SFMBT1: variants seen among roughly 807,000 people sequenced by gnomAD.
SFMBT1 encodes the protein scm-like with four MBT domains protein 1.
In SFMBT1, 32 loss-of-function variants were observed where a neutral mutation model predicts 108.7. That is an observed-to-expected ratio of 0.29 (90% CI 0.22 to 0.40). The LOEUF is 0.40. Ranked by LOEUF, SFMBT1 falls within the 10% of genes least tolerant of loss-of-function variation. The pLI is 1.00. For missense variants in SFMBT1, 816 were observed against 1,059.6 expected (o/e 0.77, Z 3.19); for synonymous variants, 348 against 369.5 (o/e 0.94, Z 0.67).
intron 1 of SFMBT1, among the ~76,000 whole-genome samples, chr3:52,981,529 A>ATTTTTTTTTTTT (rs34406724): frequency 7.5e-6 from 1 of 133,052 alleles, no homozygotes; most frequent in Admixed American, 7.7e-5. Flanking sequence ...TGCTCAGCTA[A>ATTTTTTTTTTTT]TTTTTTTTTT....
At chr3:53,020,976 T>A (rs1699286304) in intron 1 of SFMBT1, among the ~76,000 whole-genome samples, 1 of 152,110 alleles carries the variant, frequency 6.6e-6, no homozygotes, top group Non-Finnish European at 1.5e-5. Context: ...GAGAATTGCT[T>A]GAACCCAGGA....
intron 1 of SFMBT1, chr3:53,018,375 C>T (rs538242705): frequency 6.6e-6 from 1 of 152,172 alleles, no homozygotes; most frequent in East Asian, 1.9e-4. Flanking sequence ...TGTTTTCATC[C>T]TTCAGAGAAA....
At chr3:53,019,372 G>GGT (rs1281109898) in intron 1 of SFMBT1, among the ~76,000 whole-genome samples, 5 of 125,972 alleles carry the variant, frequency 4.0e-5, no homozygotes, top group African/African-American at 8.7e-5. Context: ...CTCAGTCACT[G>GGT]GTGTGTGTGT....
intron 1 of SFMBT1, among the ~76,000 whole-genome samples, chr3:52,984,768 G>T (rs1230172409): frequency 7.3e-6 from 1 of 137,318 alleles, no homozygotes; most frequent in Non-Finnish European, 1.6e-5. Context: ...GTGTGTGTGT[G>T]TCTATTCATA....
At chr3:52,931,701 G>A (rs943798364) in intron 6 of SFMBT1, among the ~76,000 whole-genome samples, 3 of 152,036 alleles carry the variant, frequency 2.0e-5, no homozygotes, top group African/African-American at 4.8e-5. Flanking sequence ...TTAGCCGGGT[G>A]TGGTGGCATG....
At chr3:52,948,690 C>T (rs1344324413) in intron 3 of SFMBT1, among the ~76,000 whole-genome samples, 6 of 150,674 alleles carry the variant, frequency 4.0e-5, no homozygotes, top group Non-Finnish European at 7.4e-5. Context: ...CTCATTCTGC[C>T]GCCCAGGCTG....
At chr3:53,014,419 G>T (rs555421056) in intron 1 of SFMBT1, among the ~76,000 whole-genome samples, 2 of 151,936 alleles carry the variant, frequency 1.3e-5, no homozygotes, top group African/African-American at 4.8e-5. Context: ...ACAGTGAGCC[G>T]TGATCACACC....
chr3:52,912,142 G>A (rs1353564654), intron 16 of SFMBT1, among the ~76,000 whole-genome samples: 1 of 151,990 alleles, frequency 6.6e-6, no homozygotes, highest in Admixed American at 6.6e-5. Context: ...GAAACATAAG[G>A]CTTCTGATAT....
chr3:52,926,115 T>C lies in SFMBT1; in HGVS notation c.1049-2A>G. ...AGTCAAAGTCCTGGCTTGGGTAGCC[T>C]AGGTGGGGACAAATGAACAATGAGT... On this transcript the variant is annotated splice_acceptor_variant, in intron 9 of 20. Transcript: ENST00000394752. LOFTEE classifies it high-confidence loss of function. 1 of 1,605,982 alleles carries C rather than the reference T, an allele frequency of 6.2e-7. No homozygotes were observed. The highest frequency in any genetic ancestry group is 8.5e-7 in the Non-Finnish European group (1 of 1,176,570).
intron 1 of SFMBT1, among the ~76,000 whole-genome samples, chr3:53,026,039 A>C (rs1272552909): frequency 6.6e-6 from 1 of 152,228 alleles, no homozygotes; most frequent in Non-Finnish European, 1.5e-5. Flanking sequence ...TTGCTTCAGA[A>C]AAAGTTCTAC....
At chr3:52,916,265 A>C in intron 13 of SFMBT1, 51 bp from the exon 14 acceptor site, 1 of 1,528,426 alleles carries the variant, frequency 6.5e-7, no homozygotes, top group Non-Finnish European at 9.1e-7. Context: ...AAGATCAGTA[A>C]AGTGTGAGGC....
At chr3:52,941,911 T>C (rs897500118) in intron 4 of SFMBT1, among the ~76,000 whole-genome samples, 1 of 151,758 alleles carries the variant, frequency 6.6e-6, no homozygotes, top group Non-Finnish European at 1.5e-5. Flanking sequence ...AAAAATAAAA[T>C]AGAACGAAAT....
At chr3:53,006,729 G>A (rs888670080) in intron 1 of SFMBT1, among the ~76,000 whole-genome samples, 1 of 152,074 alleles carries the variant, frequency 6.6e-6, no homozygotes, top group Non-Finnish European at 1.5e-5. Flanking sequence ...TGGATATGGA[G>A]GGGTCCTGGA....
At chr3:52,987,632 G>A (rs557931290) in intron 1 of SFMBT1, among the ~76,000 whole-genome samples, 1 of 152,330 alleles carries the variant, frequency 6.6e-6, no homozygotes, top group Non-Finnish European at 1.5e-5. Context: ...GGAGCTCAGA[G>A]AATACAAGGA....
At chr3:52,939,446 T>C (rs1056576532) in intron 4 of SFMBT1, among the ~76,000 whole-genome samples, 2 of 152,124 alleles carry the variant, frequency 1.3e-5, no homozygotes, top group African/African-American at 2.4e-5. Flanking sequence ...TGGTGGCATG[T>C]ACCTGTAGTC....
intron 1 of SFMBT1, among the ~76,000 whole-genome samples, chr3:52,996,205 C>T (rs537951521): frequency 7.6e-6 from 1 of 132,274 alleles, no homozygotes; most frequent in African/African-American, 2.9e-5. Context: ...AATAAACAAT[C>T]CTTTTTTTTT....
In SFMBT1 at chr3:53,032,970, T is replaced by C. The variant is rs116010076; in HGVS notation, c.-131+12846A>G. ...ATTCCCCCCACACCTAAGCCTCTGATAGAATACAAGAAAATTTGGGGCCTA... is the reference window on the plus strand; with the variant it reads ...ATTCCCCCCACACCTAAGCCTCTGACAGAATACAAGAAAATTTGGGGCCTA... On this transcript the variant is annotated intron_variant, in intron 1 of 20. Coordinates refer to ENST00000394752, the MANE Select transcript of SFMBT1 (RefSeq NM_016329.4). 2.2e-3 allele frequency among the ~76,000 whole-genome samples: 330 copies of C among 152,184 alleles called. 1 individual carries two copies. Among genetic ancestry groups the C allele is most frequent in the Non-Finnish European group, 3.9e-3 (262 of 67,988 alleles).
intron 1 of SFMBT1, among the ~76,000 whole-genome samples, chr3:52,981,164 GA>G (rs35322172): frequency 0.28 from 29,769 of 107,298 alleles, 3,591 homozygotes; most frequent in East Asian, 0.39. Context: ...TTCCATCTCA[GA>G]AAAAAAAAAA....
chr3:52,931,882 C>A (rs1324985708), intron 6 of SFMBT1, among the ~76,000 whole-genome samples, 180 bp downstream of exon 6: 2 of 151,906 alleles, frequency 1.3e-5, no homozygotes, highest in Admixed American at 1.3e-4. Context: ...AGCAGAACAA[C>A]AACAAAAAAG....
Sources: allele counts gnomAD v4.1 joint callset (sites outside exome capture counted in the v4.1 genomes callset), GRCh38; gene constraint gnomAD v4.1.1; transcripts MANE v1.5; gene names NCBI Gene and HGNC (gene_info 2026-07-23, HGNC 2026-07-21).